Variants in AIG1 observed in about 807,000 individuals in gnomAD.
The protein encoded by AIG1 is androgen-induced gene 1 protein.
Under a neutral mutation model 31.4 loss-of-function variants are expected in AIG1, and 23 were observed. The observed-to-expected ratio is 0.73, with a 90% CI of 0.53 to 1.04. AIG1 has a LOEUF of 1.04. Among genes scored for constraint, AIG1 ranks in the 50% least tolerant of loss-of-function variants. The pLI, the probability that AIG1 is intolerant of heterozygous loss-of-function variation, is 0.00. For missense variants in AIG1, 274 were observed against 295.0 expected (o/e 0.93, Z 0.52); for synonymous variants, 100 against 110.5 (o/e 0.90, Z 0.60).
At position 143,256,473 on chromosome 6, in the gene AIG1, T is replaced by G. The variant is rs1795380659; in HGVS notation, c.400-27637T>G. Among the ~76,000 whole-genome samples, 1 of 152,264 alleles carries G rather than the reference T, an allele frequency of 6.6e-6. No individual in the cohort carries two copies. ...TAAACTCGAACGTTGGCTGTTCATT[T>G]GCCATCAGTAAATTTTATTTTGTCA... On this transcript the variant is annotated intron_variant, in intron 3 of 5. Transcript: ENST00000357847. The surrounding 1 kb of genome is among the most constrained non-coding windows in gnomAD (Gnocchi z 4.6).
rs35620148 is a variant in AIG1, at chr6:143,260,017, CTT to C, written c.400-24070_400-24069del. On this transcript the variant is annotated intron_variant, in intron 3 of 5. Transcript: ENST00000357847. ...TGAGGGTCTTGTGCTTCTTGTGCTT[CTT>C]TTTTTTTTTTTTTTTTTTTTTTGAG... 3.2e-4 allele frequency among the ~76,000 whole-genome samples: 27 copies of C among 85,110 alleles called. No homozygotes were observed. In the East Asian group the frequency reaches 3.8e-3, roughly 12 times the overall value. The allele number at this position is 85,110 out of a possible 152,430, so 55.8% of individuals were successfully genotyped here.
intron 3 of AIG1, among the ~76,000 whole-genome samples, chr6:143,283,886 A>G (rs1437319040): frequency 6.6e-6 from 1 of 152,230 alleles, no homozygotes; most frequent in African/African-American, 2.4e-5. Flanking sequence ...TGGGCATAAA[A>G]TACAATAAAA....
intron 3 of AIG1, among the ~76,000 whole-genome samples, chr6:143,203,333 A>G (rs1210146997): frequency 6.6e-6 from 1 of 152,030 alleles, no homozygotes; most frequent in East Asian, 1.9e-4. Context: ...ACTGTTCTAT[A>G]CTCTACTATC....
rs1223051178 is a variant in AIG1, at chr6:143,165,580, A to G, written c.399+397A>G. On this transcript the variant is annotated intron_variant, in intron 3 of 5. Transcript: ENST00000357847. ...TCCACCTGCGCCTCACATCGTCTGG[A>G]TTTTGTTTGAAGTAACTATTGCAGC... Among the ~76,000 whole-genome samples, 3 of 152,266 alleles carry G rather than the reference A, an allele frequency of 2.0e-5. No homozygotes were observed. The East Asian group carries it at 5.8e-4, about 29-fold the overall frequency.
rs1485777076 is a variant in AIG1 at position 143,330,447 on chromosome 6, T to C, written c.516-2835T>C. On this transcript the variant is annotated intron_variant, in intron 4 of 5. Coordinates refer to ENST00000357847, the MANE Select transcript of AIG1 (RefSeq NM_016108.4). This position sits in a 1 kb window ranked among gnomAD's most constrained non-coding sequence, Gnocchi z 4.4. ...AGTATTGTTCTGGGCAGGGGAATAA[T>C]ACAAAAGCCTGGAGGCAGAGAGAGC... Among the ~76,000 whole-genome samples, 1 of 151,980 alleles carries C rather than the reference T, an allele frequency of 6.6e-6. No homozygotes were observed. The highest frequency in any genetic ancestry group is 1.5e-5 in the Non-Finnish European group (1 of 68,006).
chr6:143,134,917 A>G (rs1359767602), intron 1 of AIG1, among the ~76,000 whole-genome samples: 1 of 152,224 alleles, frequency 6.6e-6, no homozygotes, highest in African/African-American at 2.4e-5. Context: ...AAGCTAAGCT[A>G]TGCTATTCTA....
chr6:143,078,210 A>C (rs1477187886), intron 1 of AIG1, among the ~76,000 whole-genome samples: 1 of 152,118 alleles, frequency 6.6e-6, no homozygotes, highest in Non-Finnish European at 1.5e-5. Flanking sequence ...TAAAATGTCC[A>C]CCGGGTTCCA....
intron 2 of AIG1, among the ~76,000 whole-genome samples, chr6:143,148,802 G>A (rs1784922807): frequency 6.6e-6 from 1 of 151,404 alleles, no homozygotes; most frequent in African/African-American, 2.4e-5. Context: ...TGGGCAACAA[G>A]AGCATGACTA....
rs1433103957 is a variant in AIG1, at chr6:143,325,147, T to C, written c.516-8135T>C. ...GAAGACCCTGTGCTAATAGATGCTGTCTACCTTTGAACCACTTGTCCCTTG... is the reference window on the plus strand; with the variant it reads ...GAAGACCCTGTGCTAATAGATGCTGCCTACCTTTGAACCACTTGTCCCTTG... On this transcript the variant is annotated intron_variant, in intron 4 of 5. Coordinates refer to ENST00000357847, the MANE Select transcript of AIG1 (RefSeq NM_016108.4). This position sits in a 1 kb window ranked among gnomAD's most constrained non-coding sequence, Gnocchi z 4.3. Among the ~76,000 whole-genome samples the C allele has an allele frequency of 6.6e-6, 1 of 152,244 alleles. No homozygotes were observed. The highest frequency in any genetic ancestry group is 1.9e-4 in the East Asian group (1 of 5,204).
intron 3 of AIG1, among the ~76,000 whole-genome samples, chr6:143,270,374 T>G (rs1040341984): frequency 6.6e-6 from 1 of 152,218 alleles, no homozygotes; most frequent in African/African-American, 2.4e-5. Context: ...AGGAATTTGA[T>G]GTAACAGAAA....
rs1031872426 is a variant in AIG1, at chr6:143,196,350, A to AACACACGCACAC, written c.399+31173_399+31174insGCACACACACAC. Among the ~76,000 whole-genome samples the AACACACGCACAC allele has an allele frequency of 1.3e-3, 178 of 141,718 alleles. 1 individual carries two copies. The highest frequency in any genetic ancestry group is 4.2e-3 in the African/African-American group (161 of 38,086). The allele number at this position is 141,718 out of a possible 152,430, so 93.0% of individuals were successfully genotyped here. ...TCAGCACATCAAAAGCAACAAAAGCAACACACACACACACACACACACACA... is the reference window on the plus strand; with the variant it reads ...TCAGCACATCAAAAGCAACAAAAGCAACACACGCACACACACACACACACACACACACACACA... On this transcript the variant is annotated intron_variant, in intron 3 of 5. Coordinates refer to ENST00000357847, the MANE Select transcript of AIG1 (RefSeq NM_016108.4).
intron 3 of AIG1, among the ~76,000 whole-genome samples, chr6:143,261,812 T>C (rs918339206): frequency 2.0e-5 from 3 of 152,218 alleles, no homozygotes; most frequent in Admixed American, 6.5e-5. Flanking sequence ...AAAGATACTC[T>C]AAACAAACAA....
intron 4 of AIG1, among the ~76,000 whole-genome samples, chr6:143,300,736 C>T (rs1798765217): frequency 6.6e-6 from 1 of 152,086 alleles, no homozygotes; most frequent in Admixed American, 6.6e-5. Context: ...CTTGACTTGA[C>T]CAAATAAATT....
chr6:143,064,354 G>T (rs1168841886), intron 1 of AIG1, among the ~76,000 whole-genome samples: 1 of 152,200 alleles, frequency 6.6e-6, no homozygotes, highest in Non-Finnish European at 1.5e-5. Context: ...ACAATGCTGG[G>T]TTTGAAGATG....
intron 1 of AIG1, among the ~76,000 whole-genome samples, chr6:143,105,981 C>G (rs564339502): frequency 9.2e-4 from 140 of 152,314 alleles, no homozygotes; most frequent in African/African-American, 3.2e-3. Flanking sequence ...TTCTCATTGC[C>G]TTTCTGAATT....
chr6:143,217,802 C>A (rs1166699444), intron 3 of AIG1, among the ~76,000 whole-genome samples: 1 of 152,236 alleles, frequency 6.6e-6, no homozygotes, highest in South Asian at 2.1e-4. Flanking sequence ...AGCCACCACA[C>A]CCGACCACTT....
rs534603752 is a variant in AIG1 at position 143,174,872 on chromosome 6, GT to G, written c.399+9696del. Reference sequence around the variant, plus strand: ...ATGCTATTTGTTGCCTGAATACCTTGTTTTTTTCATTGTGTTATTGTTTTAT... The same window carrying G: ...ATGCTATTTGTTGCCTGAATACCTTGTTTTTTCATTGTGTTATTGTTTTAT... On this transcript the variant is annotated intron_variant, in intron 3 of 5. Coordinates refer to ENST00000357847, the MANE Select transcript of AIG1 (RefSeq NM_016108.4). 2.6e-3 allele frequency among the ~76,000 whole-genome samples: 393 copies of G among 152,032 alleles called. 4 individuals are homozygous for G. Among genetic ancestry groups the G allele is most frequent in the African/African-American group, 9.0e-3 (373 of 41,496 alleles).
At chr6:143,076,422 T>C (rs1777730888) in intron 1 of AIG1, among the ~76,000 whole-genome samples, 1 of 152,200 alleles carries the variant, frequency 6.6e-6, no homozygotes, top group Non-Finnish European at 1.5e-5. Context: ...GGTATGTCTT[T>C]TTCCATATTT....
chr6:143,214,889 G>A (rs1438206082), intron 3 of AIG1, among the ~76,000 whole-genome samples: 1 of 152,084 alleles, frequency 6.6e-6, no homozygotes, highest in African/African-American at 2.4e-5. Flanking sequence ...ATCCCAACTG[G>A]TTCTTCAGCA....
Sources: gnomAD v4.1 joint callset for allele counts (sites outside exome capture counted in the v4.1 genomes callset) on GRCh38, gnomAD v4.1.1 for gene constraint, Gnocchi (gnomAD v3.1) non-coding constraint, MANE v1.5 for transcripts, NCBI Gene and HGNC (gene_info 2026-07-23, HGNC 2026-07-21) for gene names.